Variants in GPC5 observed in about 807,000 individuals in gnomAD.
GPC5 encodes glypican-5.
A neutral mutation model predicts 53.9 loss-of-function variants in GPC5; 47 were observed. The observed-to-expected ratio is 0.87, with a 90% CI of 0.69 to 1.11. The LOEUF (loss-of-function observed/expected upper bound fraction) is 1.11. GPC5 is among the 50% of genes most tolerant of loss of function. The probability of loss-of-function intolerance (pLI) is 0.00; values close to 1 mark genes in which losing one functional copy is unlikely to be tolerated. For missense variants in GPC5, 748 were observed against 713.1 expected (o/e 1.05, Z -0.56); for synonymous variants, 286 against 263.3 (o/e 1.09, Z -0.84).
Position 91,728,553 on chromosome 13 carries a change from C to G in GPC5, c.1042C>G (p.Pro348Ala). Residue 348 changes from proline to alanine, a missense_variant, in exon 4 of 8, where the codon CCT (proline) becomes GCT (alanine). Transcript: ENST00000377067. ...LEQVNRICGRPVRTPTQSPRC... is the reference protein window; with the variant it reads ...LEQVNRICGRAVRTPTQSPRC... Reference sequence around the variant, plus strand: ...AAAGGTAAATAGGATTTGTGGCCGCCCTGTAAGAACACCCACACAAAGCCC... The same window carrying G: ...AAAGGTAAATAGGATTTGTGGCCGCGCTGTAAGAACACCCACACAAAGCCC... 6.2e-7 allele frequency: 1 copy of G among 1,610,642 alleles called. No homozygotes were observed. Among genetic ancestry groups the G allele is most frequent in the Non-Finnish European group, 8.5e-7 (1 of 1,178,080 alleles).
chr13:92,718,916 TTAAAAAA>T (rs1888418315), intron 7 of GPC5, among the ~76,000 whole-genome samples: 2 of 150,710 alleles, frequency 1.3e-5, no homozygotes, highest in East Asian at 3.9e-4. Context: ...AAAAAAATTG[TTAAAAAA>T]TGAAAGAATA....
intron 7 of GPC5, among the ~76,000 whole-genome samples, chr13:92,826,422 A>G (rs1221041215): frequency 6.6e-6 from 1 of 152,088 alleles, no homozygotes; most frequent in East Asian, 1.9e-4. Flanking sequence ...CTCAGATAAG[A>G]CCACAGCCCC....
chr13:91,820,893 G>T (rs1172963821), intron 5 of GPC5, among the ~76,000 whole-genome samples: 1 of 151,974 alleles, frequency 6.6e-6, no homozygotes, highest in African/African-American at 2.4e-5. Context: ...AACCCGGGAA[G>T]CGGAGCTTGC....
intron 4 of GPC5, among the ~76,000 whole-genome samples, chr13:91,736,997 G>A (rs345485): frequency 0.73 from 110,132 of 151,002 alleles, 40,809 homozygotes; most frequent in Middle Eastern, 0.82. Context: ...CCAGCTATTC[G>A]GGAGGCTGAG....
intron 2 of GPC5, among the ~76,000 whole-genome samples, chr13:91,542,199 C>T (rs190604934): frequency 1.8e-4 from 28 of 151,664 alleles, no homozygotes; most frequent in African/African-American, 5.6e-4. Context: ...ATTTTTTGTT[C>T]ACTTTATGTA....
chr13:92,062,367 T>A (rs1048151532), intron 6 of GPC5, among the ~76,000 whole-genome samples: 1 of 152,010 alleles, frequency 6.6e-6, no homozygotes, highest in Non-Finnish European at 1.5e-5. Context: ...CAAGTTTATA[T>A]TTGGTTACTT....
intron 7 of GPC5, among the ~76,000 whole-genome samples, chr13:92,183,517 A>T (rs1423751047): frequency 6.6e-6 from 1 of 152,174 alleles, no homozygotes; most frequent in East Asian, 1.9e-4. Flanking sequence ...TTCAATCCTG[A>T]TTTAATTACT....
chr13:91,906,081 A>G (rs2039549984), intron 5 of GPC5, among the ~76,000 whole-genome samples: 2 of 151,856 alleles, frequency 1.3e-5, no homozygotes, highest in Non-Finnish European at 2.9e-5. Context: ...TCATTGTATC[A>G]CTCAATGGAG....
intron 7 of GPC5, among the ~76,000 whole-genome samples, chr13:92,697,752 G>A (rs1887600882): frequency 1.3e-5 from 2 of 152,200 alleles, no homozygotes; most frequent in African/African-American, 4.8e-5. Flanking sequence ...AGTGGTGAGA[G>A]AGGGCATCCT....
chr13:92,163,761 C>T (rs7988142), intron 7 of GPC5, among the ~76,000 whole-genome samples: 5,837 of 152,062 alleles, frequency 0.038, 246 homozygotes, highest in African/African-American at 0.099. Context: ...GTTTGTTGAT[C>T]ATAAAATGCA....
intron 5 of GPC5, among the ~76,000 whole-genome samples, chr13:91,777,810 T>C (rs917203619): frequency 5.3e-5 from 8 of 152,176 alleles, no homozygotes; most frequent in African/African-American, 1.9e-4. Flanking sequence ...CTAAAAATAC[T>C]TCTTAAAATC....
At chr13:91,680,188 C>T (rs367687321) in intron 2 of GPC5, among the ~76,000 whole-genome samples, 1 of 152,284 alleles carries the variant, frequency 6.6e-6, no homozygotes, top group African/African-American at 2.4e-5. Context: ...CAGTGGCTCA[C>T]ACCTGTTATC....
At chr13:91,907,325 T>C (rs1169638267) in intron 5 of GPC5, among the ~76,000 whole-genome samples, 1 of 147,960 alleles carries the variant, frequency 6.8e-6, no homozygotes, top group African/African-American at 2.5e-5. Context: ...CAATTGATAT[T>C]ATCATTATTA....
intron 6 of GPC5, among the ~76,000 whole-genome samples, chr13:92,037,305 G>T (rs1176726132): frequency 6.6e-6 from 1 of 152,026 alleles, no homozygotes; most frequent in Non-Finnish European, 1.5e-5. Flanking sequence ...CTACCTTAGG[G>T]CCTTTATACT....
intron 7 of GPC5, among the ~76,000 whole-genome samples, chr13:92,600,753 C>A (rs983181104): frequency 6.6e-6 from 1 of 151,852 alleles, no homozygotes; most frequent in African/African-American, 2.4e-5. Context: ...GTGATGCACA[C>A]ACCTCGGCCT....
chr13:91,440,117 A>C (rs541658625), intron 1 of GPC5, among the ~76,000 whole-genome samples: 1 of 152,216 alleles, frequency 6.6e-6, no homozygotes, highest in East Asian at 1.9e-4. Context: ...TAAATTTGTT[A>C]ATTTGTGGTG....
chr13:91,504,230 T>TA (rs1341687237), intron 2 of GPC5, among the ~76,000 whole-genome samples: 2 of 152,068 alleles, frequency 1.3e-5, no homozygotes, highest in African/African-American at 4.8e-5. Flanking sequence ...GACAGAATTT[T>TA]AAAAATGTAA....
chr13:92,705,177 A>G (rs11070030), intron 7 of GPC5, among the ~76,000 whole-genome samples: 39,370 of 151,950 alleles, frequency 0.26, 5,511 homozygotes, highest in Admixed American at 0.37. Context: ...TAATAATTTA[A>G]AACTAACTTC....
chr13:91,731,961 A>C (rs501622), intron 4 of GPC5, among the ~76,000 whole-genome samples: 114,417 of 152,146 alleles, frequency 0.75, 43,147 homozygotes, highest in Middle Eastern at 0.82. Flanking sequence ...GATTCCATGT[A>C]TTTGCTATTG....
Sources: gnomAD v4.1 joint callset for allele counts (sites outside exome capture counted in the v4.1 genomes callset) on GRCh38, gnomAD v4.1.1 for gene constraint, MANE v1.5 for transcripts, NCBI Gene and HGNC (gene_info 2026-07-23, HGNC 2026-07-21) for gene names.